BRINP3: variants seen among roughly 807,000 people sequenced by gnomAD.
The protein encoded by BRINP3 is BMP/retinoic acid inducible neural specific 3.
In BRINP3, 19 loss-of-function variants were observed where a neutral mutation model predicts 71.0. The observed-to-expected ratio is 0.27, with a 90% confidence interval of 0.19 to 0.39. BRINP3 has a LOEUF of 0.39. Among genes scored for constraint, BRINP3 ranks in the 10% least tolerant of loss-of-function variants. The pLI is 1.00. For missense variants in BRINP3, 959 were observed against 940.8 expected (o/e 1.02, Z -0.25); for synonymous variants, 380 against 337.7 (o/e 1.13, Z -1.37).
At chr1:190,160,555 T>C (rs1011327192) in intron 7 of BRINP3, 113 bp downstream of exon 7, 19 of 753,118 alleles carry the variant, frequency 2.5e-5, no homozygotes, top group Non-Finnish European at 3.8e-5. Flanking sequence ...TTATCTCTAA[T>C]AGTATAAATT....
chr1:190,476,340 A>G (rs1677503740), intron 1 of BRINP3, among the ~76,000 whole-genome samples: 1 of 151,848 alleles, frequency 6.6e-6, no homozygotes, highest in Admixed American at 6.6e-5. Flanking sequence ...GAGACCAGGA[A>G]CTTGTCCTTA....
intron 6 of BRINP3, among the ~76,000 whole-genome samples, chr1:190,220,163 C>T (rs1173051291): frequency 6.6e-6 from 1 of 151,914 alleles, no homozygotes; most frequent in African/African-American, 2.4e-5. Context: ...AACCAAACTC[C>T]CTAAGATCAA....
chr1:190,162,243 T>C (rs1020302196), intron 6 of BRINP3, among the ~76,000 whole-genome samples: 1 of 150,720 alleles, frequency 6.6e-6, no homozygotes, highest in African/African-American at 2.5e-5. Flanking sequence ...CAGGCTAGAG[T>C]GCAAAGGTGC....
At chr1:190,260,064 GA>G (rs2102855947) in intron 4 of BRINP3, among the ~76,000 whole-genome samples, 1 of 119,564 alleles carries the variant, frequency 8.4e-6, no homozygotes, top group East Asian at 2.4e-4. Flanking sequence ...AGCAACTTAA[GA>G]ACCACAAAAA....
Position 190,108,501 on chromosome 1 carries a change from A to C in BRINP3, c.1185-9367T>G, listed in dbSNP as rs371126900. On this transcript the variant is annotated intron_variant, in intron 7 of 7. Transcript: ENST00000367462. ...CTTTGCTTTTCAGGGAGAAGAGTAC[A>C]TAGGTATTATCTCTTAATTTTTCTA... is the stretch of plus-strand genomic sequence containing the variant. Among the ~76,000 whole-genome samples the C allele has an allele frequency of 2.6e-4, 39 of 151,626 alleles. 1 individual carries two copies. Among genetic ancestry groups the C allele is most frequent in the African/African-American group, 9.2e-4 (38 of 41,334 alleles).
chr1:190,099,202 G>T (rs1256878201), intron 7 of BRINP3, 68 bp from the exon 8 acceptor site: 2 of 1,450,826 alleles, frequency 1.4e-6, no homozygotes, highest in Non-Finnish European at 9.3e-7. Context: ...GTAAACCGTA[G>T]CTCAGAAATC....
intron 2 of BRINP3, among the ~76,000 whole-genome samples, chr1:190,379,997 C>CAAAA (rs34329313): frequency 9.9e-6 from 1 of 100,844 alleles, no homozygotes; most frequent in Non-Finnish European, 1.9e-5. Flanking sequence ...GACTCCACCT[C>CAAAA]AAAAAAAAAA....
intron 2 of BRINP3, among the ~76,000 whole-genome samples, chr1:190,318,125 G>C (rs143804653): frequency 6.6e-6 from 1 of 151,926 alleles, no homozygotes; most frequent in Non-Finnish European, 1.5e-5. Flanking sequence ...CAAATTCACT[G>C]TTTTAAGTTT....
intron 7 of BRINP3, among the ~76,000 whole-genome samples, chr1:190,114,059 G>T (rs1170918070): frequency 2.6e-5 from 4 of 152,156 alleles, no homozygotes; most frequent in Admixed American, 2.6e-4. Context: ...TATCCTCAGT[G>T]TTAGGGTTGG....
intron 2 of BRINP3, among the ~76,000 whole-genome samples, chr1:190,345,721 A>C (rs1225819439): frequency 2.0e-5 from 3 of 150,858 alleles, no homozygotes; most frequent in African/African-American, 7.3e-5. Context: ...TTCAGAAAAA[A>C]AAAAAAAAAA....
intron 4 of BRINP3, among the ~76,000 whole-genome samples, chr1:190,238,892 T>C (rs991988720): frequency 6.6e-6 from 1 of 152,162 alleles, no homozygotes; most frequent in Non-Finnish European, 1.5e-5. Context: ...ATTTTCATAC[T>C]GGTATAAAGA....
At chr1:190,184,530 A>G (rs1011144555) in intron 6 of BRINP3, among the ~76,000 whole-genome samples, 2 of 152,330 alleles carry the variant, frequency 1.3e-5, no homozygotes, top group Non-Finnish European at 2.9e-5. Context: ...GTCCAAATAA[A>G]TGATGGTCTA....
chr1:190,278,843 T>G (rs1662823841), intron 3 of BRINP3, among the ~76,000 whole-genome samples: 1 of 151,532 alleles, frequency 6.6e-6, no homozygotes. Context: ...ATCTTACAAA[T>G]TTTGAAACAT....
intron 2 of BRINP3, among the ~76,000 whole-genome samples, chr1:190,366,122 T>C (rs1328520788): frequency 1.3e-5 from 2 of 152,058 alleles, no homozygotes; most frequent in African/African-American, 2.4e-5. Flanking sequence ...CTGTTGTTAC[T>C]TTGTCTCAGT....
At chr1:190,257,143 C>G (rs1571536684) in intron 4 of BRINP3, among the ~76,000 whole-genome samples, 1 of 152,166 alleles carries the variant, frequency 6.6e-6, no homozygotes, top group East Asian at 1.9e-4. Flanking sequence ...TAGATTTAGT[C>G]TTTTCACATA....
chr1:190,379,675 G>A (rs569559895), intron 2 of BRINP3, among the ~76,000 whole-genome samples: 2 of 152,142 alleles, frequency 1.3e-5, no homozygotes, highest in African/African-American at 4.8e-5. Flanking sequence ...GAGATGGAAA[G>A]AGACAATTAA....
chr1:190,203,451 GTA>G lies in BRINP3; in HGVS notation c.961+22629_961+22630del, dbSNP rs377117248. Among the ~76,000 whole-genome samples, 42 of 146,878 alleles carry G rather than the reference GTA, an allele frequency of 2.9e-4. No individual in the cohort carries two copies. The South Asian group carries it at 4.0e-3, about 14-fold the overall frequency. ...TATATATATATATGTATGTGTGTGT[GTA>G]TATATATATGTGTGTGTGTGTGTGT... On this transcript the variant is annotated intron_variant, in intron 6 of 7. Transcript: ENST00000367462.
At chr1:190,301,180 T>C (rs1418005957) in intron 2 of BRINP3, among the ~76,000 whole-genome samples, 21 of 117,070 alleles carry the variant, frequency 1.8e-4, no homozygotes, top group African/African-American at 3.5e-4. Flanking sequence ...TATATACATA[T>C]ATATATGTAT....
At chr1:190,471,842 C>T (rs946415628) in intron 1 of BRINP3, among the ~76,000 whole-genome samples, 5 of 151,256 alleles carry the variant, frequency 3.3e-5, no homozygotes, top group Non-Finnish European at 5.9e-5. Flanking sequence ...TGAATAAAAG[C>T]AAAGGTAAAT....
Sources: gnomAD v4.1 joint callset for allele counts (sites outside exome capture counted in the v4.1 genomes callset) on GRCh38, gnomAD v4.1.1 for gene constraint, MANE v1.5 for transcripts, NCBI Gene and HGNC (gene_info 2026-07-23, HGNC 2026-07-21) for gene names.